DOCK2: variants seen among roughly 807,000 people sequenced by gnomAD.
The protein encoded by DOCK2 is dedicator of cytokinesis 2, also known as dedicator of cytokinesis protein 2.
A neutral mutation model predicts 248.9 loss-of-function variants in DOCK2; 87 were observed. That is an observed-to-expected ratio of 0.35 (90% CI 0.29 to 0.42). The LOEUF (loss-of-function observed/expected upper bound fraction) is 0.42. DOCK2 is among the 10% of genes least tolerant of loss of function. The probability of loss-of-function intolerance (pLI) is 1.00; values close to 1 mark genes in which losing one functional copy is unlikely to be tolerated. For missense variants in DOCK2, 1,747 were observed against 2,300.2 expected (o/e 0.76, Z 4.92); for synonymous variants, 805 against 821.6 (o/e 0.98, Z 0.35).
At chr5:169,733,155 T>G (rs1322398374) in intron 22 of DOCK2, among the ~76,000 whole-genome samples, 1 of 152,058 alleles carries the variant, frequency 6.6e-6, no homozygotes, top group Non-Finnish European at 1.5e-5. Flanking sequence ...CTCCCTTTCT[T>G]TTTTTGGGAT....
chr5:169,704,541 T>A (rs1761140727), intron 14 of DOCK2, among the ~76,000 whole-genome samples: 1 of 152,104 alleles, frequency 6.6e-6, no homozygotes, highest in South Asian at 2.1e-4. Flanking sequence ...AGCTGTGTGA[T>A]CTTAGGCAAG....
Position 169,729,925 on chromosome 5 carries a change from T to A in DOCK2, c.2267+11134T>A, listed in dbSNP as rs1448144203. ...AAGTGGGGATTACCTCAGAATGTTA[T>A]TGTGAGGGTTCTGAAAATGTGATAT... On this transcript the variant is annotated intron_variant, in intron 22 of 51. Coordinates refer to ENST00000520908, the MANE Select transcript of DOCK2 (RefSeq NM_004946.3). Among the ~76,000 whole-genome samples the A allele has an allele frequency of 2.6e-5, 4 of 152,262 alleles. No individual in the cohort carries two copies. In the East Asian group the frequency reaches 7.7e-4, roughly 29 times the overall value.
intron 28 of DOCK2, among the ~76,000 whole-genome samples, chr5:169,983,681 G>C (rs931790044): frequency 6.6e-5 from 10 of 152,296 alleles, no homozygotes; most frequent in African/African-American, 2.2e-4. Context: ...AGCCCAGGCT[G>C]TTCCTGCCCC....
intron 27 of DOCK2, among the ~76,000 whole-genome samples, chr5:169,956,511 T>C (rs1454876582): frequency 6.6e-6 from 1 of 152,198 alleles, no homozygotes; most frequent in African/African-American, 2.4e-5. Flanking sequence ...ACAAATGCTT[T>C]TGAAGACATG....
chr5:170,064,811 A>C (rs1056979070), intron 44 of DOCK2, among the ~76,000 whole-genome samples: 1 of 152,196 alleles, frequency 6.6e-6, no homozygotes, highest in Non-Finnish European at 1.5e-5. Context: ...GTATTTCTCA[A>C]ACAAACAAAA....
intron 35 of DOCK2, among the ~76,000 whole-genome samples, chr5:170,035,083 T>C (rs1366731711): frequency 6.6e-6 from 1 of 152,216 alleles, no homozygotes; most frequent in Admixed American, 6.5e-5. Flanking sequence ...GCTGTTACTA[T>C]GAACCAGGTT....
chr5:169,859,958 CTTTTTT>C (rs759586059), intron 27 of DOCK2, among the ~76,000 whole-genome samples: 1 of 107,220 alleles, frequency 9.3e-6, no homozygotes, highest in Non-Finnish European at 1.8e-5. Flanking sequence ...GTGGATCCTT[CTTTTTT>C]TTTTTTTTTT....
chr5:170,020,104 G>C (rs965254783), intron 33 of DOCK2, among the ~76,000 whole-genome samples: 1 of 152,032 alleles, frequency 6.6e-6, no homozygotes, highest in African/African-American at 2.4e-5. Context: ...CAGCATCCCC[G>C]GCCCTCCCGG....
At chr5:170,039,434 C>G (rs529037575) in intron 36 of DOCK2, among the ~76,000 whole-genome samples, 4 of 152,288 alleles carry the variant, frequency 2.6e-5, no homozygotes, top group African/African-American at 9.6e-5. Flanking sequence ...AATCCCAAAC[C>G]CTGAGAACAG....
intron 35 of DOCK2, 84 bp downstream of exon 35, chr5:170,034,639 A>C: frequency 1.3e-6 from 2 of 1,547,836 alleles, no homozygotes; most frequent in Non-Finnish European, 1.7e-6. Context: ...ATTGTTCTTC[A>C]TAGGGAAGCA....
At chr5:169,936,272 C>T (rs1420018325) in intron 27 of DOCK2, among the ~76,000 whole-genome samples, 3 of 152,162 alleles carry the variant, frequency 2.0e-5, no homozygotes, top group Non-Finnish European at 2.9e-5. Context: ...AGATAATGTC[C>T]GTGCTTCAAC....
intron 1 of DOCK2, among the ~76,000 whole-genome samples, chr5:169,641,528 G>A (rs980821971): frequency 1.3e-5 from 2 of 152,208 alleles, no homozygotes; most frequent in Non-Finnish European, 1.5e-5. Context: ...CCAGTTCAAC[G>A]AAAATGTGTG....
intron 44 of DOCK2, among the ~76,000 whole-genome samples, chr5:170,063,692 C>T (rs1757404652): frequency 6.6e-6 from 1 of 152,134 alleles, no homozygotes; most frequent in South Asian, 2.1e-4. Flanking sequence ...CACTAGAGCT[C>T]CCACCCAAGG....
At chr5:170,043,778 T>C (rs1031139161) in intron 38 of DOCK2, among the ~76,000 whole-genome samples, 3 of 152,236 alleles carry the variant, frequency 2.0e-5, no homozygotes, top group African/African-American at 7.2e-5. Flanking sequence ...TATGTTGCAG[T>C]GTGAGAGCCT....
At position 169,867,423 on chromosome 5, in the gene DOCK2, G is replaced by A. The variant is rs190438137; in HGVS notation, c.2799+26571G>A. Among the ~76,000 whole-genome samples, 60 of 148,526 alleles carry A rather than the reference G, an allele frequency of 4.0e-4. 1 individual carries two copies. In the East Asian group the frequency reaches 0.011, roughly 28 times the overall value. ...TGAAAACCTCTCTGTCTGTCTGTCTGTCTGTCTGTCTGTCTATCTATCTAT... is the reference window on the plus strand; with the variant it reads ...TGAAAACCTCTCTGTCTGTCTGTCTATCTGTCTGTCTGTCTATCTATCTAT... On this transcript the variant is annotated intron_variant, in intron 27 of 51. Transcript: ENST00000520908.
intron 1 of DOCK2, among the ~76,000 whole-genome samples, chr5:169,651,395 A>G (rs1160556661): frequency 6.6e-6 from 1 of 152,190 alleles, no homozygotes; most frequent in African/African-American, 2.4e-5. Flanking sequence ...TCTTAAGCCA[A>G]TCTACTGGCA....
intron 27 of DOCK2, among the ~76,000 whole-genome samples, chr5:169,959,671 G>A (rs778395339): frequency 1.3e-4 from 20 of 152,162 alleles, no homozygotes; most frequent in Non-Finnish European, 2.6e-4. Flanking sequence ...TAGGGAGTCC[G>A]TCCAGTTCTC....
rs150108225 is a variant in DOCK2 at position 170,079,007 on chromosome 5, C to G, written c.5027C>G (p.Pro1676Arg). 567 of 1,614,070 alleles carry G rather than the reference C, an allele frequency of 3.5e-4. No homozygotes were observed. In the African/African-American group the frequency reaches 6.8e-3, roughly 19 times the overall value. ...FDLELASPKT[P>R]RVEQEEPISP... ...CTGGAATTAGCATCACCCAAGACGC[C>G]GAGAGTGGAGCAGGAGGAACCGATC... is the stretch of plus-strand genomic sequence containing the variant. Residue 1676 changes from proline to arginine, a missense_variant, in exon 49 of 52, where the codon CCG (proline) becomes CGG (arginine). By Grantham distance (103) the Pro-to-Arg change is moderately radical (BLOSUM62 -2). Around this residue, in one of 4 missense-constraint regions of DOCK2, gnomAD observed 513 missense variants for 586.1 expected, o/e 0.88. Coordinates refer to ENST00000520908, the MANE Select transcript of DOCK2 (RefSeq NM_004946.3).
At chr5:169,953,648 G>A (rs1227549785) in intron 27 of DOCK2, among the ~76,000 whole-genome samples, 2 of 152,178 alleles carry the variant, frequency 1.3e-5, no homozygotes, top group African/African-American at 2.4e-5. Flanking sequence ...TCACAGAGGA[G>A]GTAGCAAGTA....
Sources: gnomAD v4.1 joint callset for allele counts (sites outside exome capture counted in the v4.1 genomes callset) on GRCh38, gnomAD v4.1.1 for gene constraint, gnomAD v4.1.1 regional missense constraint, MANE v1.5 for transcripts, NCBI Gene and HGNC (gene_info 2026-07-23, HGNC 2026-07-21) for gene names.